CRISP1: variants seen among roughly 807,000 people sequenced by gnomAD.
CRISP1 encodes the protein cysteine-rich secretory protein 1.
CRISP1 carries 44 observed loss-of-function variants against 33.1 expected under a neutral mutation model. That is an observed-to-expected ratio of 1.33 (90% CI 1.05 to 1.71). The LOEUF is 1.71. Ranked by LOEUF, CRISP1 falls within the 40% of genes most tolerant of loss-of-function variation. The probability of loss-of-function intolerance (pLI) is 0.00; values close to 1 mark genes in which losing one functional copy is unlikely to be tolerated. For synonymous variants in CRISP1, 103 were observed against 98.7 expected (o/e 1.04, Z -0.26); for missense variants, 390 against 301.2 (o/e 1.29, Z -2.18).
intron 4 of CRISP1, among the ~76,000 whole-genome samples, chr6:49,847,421 C>A (rs1029372729): frequency 7.2e-5 from 11 of 152,164 alleles, no homozygotes; most frequent in African/African-American, 2.6e-4. Flanking sequence ...TGAGTGAGTT[C>A]TCATGAGATC....
upstream of CRISP1, among the ~76,000 whole-genome samples, chr6:49,868,513 C>A (rs927135686): frequency 2.0e-5 from 3 of 152,152 alleles, no homozygotes; most frequent in Admixed American, 2.0e-4. Context: ...CAATCATTTA[C>A]TCAGAGATTG....
chr6:49,856,288 G>A (rs935715818), intron 2 of CRISP1, among the ~76,000 whole-genome samples: 1 of 152,156 alleles, frequency 6.6e-6, no homozygotes, highest in Non-Finnish European at 1.5e-5. Flanking sequence ...GTTTCTGACT[G>A]TTTGCCCTTT....
At chr6:49,875,591 G>T (rs776397572) in intron 1 of CRISP1, among the ~76,000 whole-genome samples, 4 of 151,974 alleles carry the variant, frequency 2.6e-5, no homozygotes, top group Non-Finnish European at 4.4e-5. Context: ...AAATAGCCAA[G>T]AAAATTCTCA....
intron 1 of CRISP1, among the ~76,000 whole-genome samples, chr6:49,874,917 A>G (rs1174639865): frequency 6.6e-6 from 1 of 152,060 alleles, no homozygotes; most frequent in African/African-American, 2.4e-5. Flanking sequence ...CCTCAAAATA[A>G]TAAGAGCCAT....
intron 6 of CRISP1, among the ~76,000 whole-genome samples, chr6:49,839,874 G>A (rs1200067251): frequency 6.6e-6 from 1 of 152,174 alleles, no homozygotes; most frequent in African/African-American, 2.4e-5. Context: ...ATTACACTCT[G>A]AATCAATAGT....
chr6:49,835,266 A>G lies in CRISP1; in HGVS notation c.*50T>C, dbSNP rs1195140647. Reference sequence around the variant, plus strand: ...ATAGCAAAAGACATGAATCCAACAGACATCTCCTCCTCATCGTCACAGCAT... The same window carrying G: ...ATAGCAAAAGACATGAATCCAACAGGCATCTCCTCCTCATCGTCACAGCAT... On this transcript the variant is annotated 3_prime_UTR_variant, in exon 8 of 8. Coordinates refer to ENST00000335847, the MANE Select transcript of CRISP1 (RefSeq NM_001131.3). The G allele has an allele frequency of 6.3e-7, 1 of 1,586,794 alleles. No individual in the cohort carries two copies. The highest frequency in any genetic ancestry group is 2.3e-5 in the East Asian group (1 of 44,206).
chr6:49,871,588 C>A (rs1771925709), intron 1 of CRISP1, among the ~76,000 whole-genome samples: 2 of 126,370 alleles, frequency 1.6e-5, no homozygotes, highest in South Asian at 5.7e-4. Flanking sequence ...TGTGATGTTC[C>A]CCTTCCTGTG....
Position 49,835,413 on chromosome 6 carries a change from A to G in CRISP1, c.653T>C (p.Phe218Ser). The G allele has an allele frequency of 6.2e-7, 1 of 1,613,804 alleles. No individual in the cohort carries two copies. Among genetic ancestry groups the G allele is most frequent in the Non-Finnish European group, 8.5e-7 (1 of 1,179,738 alleles). ...TNPCIYYDEY[F>S]DCDIQVHYLG... is the part of the protein sequence containing the mutation. ...ATAATGGACTTGTATGTCACAGTCG[A>G]AGTATTCATCATAGTAGATGCAGGG... Residue 218 changes from phenylalanine to serine, a missense_variant, in exon 8 of 8, where the codon TTC becomes TCC. Physicochemically the swap from Phe to Ser is radical, Grantham distance 155 (BLOSUM62 -2). Coordinates refer to ENST00000335847, the MANE Select transcript of CRISP1 (RefSeq NM_001131.3).
Position 49,866,268 on chromosome 6 carries a change from T to C in CRISP1, c.-3+161A>G, listed in dbSNP as rs144686568. 5.8e-4 allele frequency among the ~76,000 whole-genome samples: 89 copies of C among 152,264 alleles called. 1 individual carries two copies. In the East Asian group the frequency reaches 0.014, roughly 24 times the overall value. On this transcript the variant is annotated intron_variant, in intron 1 of 7. Transcript: ENST00000335847. ...GTATATCAGCTTATAAACACCTTTA[T>C]TAAAAGCATGGAGATAACTAACATT...
chr6:49,868,803 C>T (rs1177977193), upstream of CRISP1, among the ~76,000 whole-genome samples: 1 of 152,074 alleles, frequency 6.6e-6, no homozygotes, highest in Non-Finnish European at 1.5e-5. Context: ...GTTGCAAGGG[C>T]TCAATGACTC....
At position 49,849,315 on chromosome 6, in the gene CRISP1, T is replaced by C. The variant is rs955674377; in HGVS notation, c.196-1016A>G. Among the ~76,000 whole-genome samples, 8 of 152,310 alleles carry C rather than the reference T, an allele frequency of 5.3e-5. 1 individual carries two copies. In the East Asian group the frequency reaches 1.5e-3, roughly 29 times the overall value. On this transcript the variant is annotated intron_variant, in intron 3 of 7. Coordinates refer to ENST00000335847, the MANE Select transcript of CRISP1 (RefSeq NM_001131.3). ...GGCCCCGCAGGTGGTAGCAGGGAAC[T>C]GAGGCTTTCCTGATCACCACACCTG... is the stretch of plus-strand genomic sequence containing the variant.
chr6:49,874,724 G>T lies in CRISP1; in HGVS notation c.-3+2285C>A, dbSNP rs145919230. On this transcript the variant is annotated intron_variant, in intron 1 of 7. Transcript: ENST00000505118. Reference sequence around the variant, plus strand: ...TATCCACCACGATCAAGCTGCCTTCGTCTCCAAGATGCAAGTTTGGTCCAA... The same window carrying T: ...TATCCACCACGATCAAGCTGCCTTCTTCTCCAAGATGCAAGTTTGGTCCAA... Among the ~76,000 whole-genome samples the T allele has an allele frequency of 2.0e-5, 3 of 151,946 alleles. No individual in the cohort carries two copies. The South Asian group carries it at 6.2e-4, about 31-fold the overall frequency.
rs1408768143 is a variant in CRISP1, at chr6:49,834,627, T to A, written c.*689A>T. On this transcript the variant is annotated 3_prime_UTR_variant, in exon 8 of 8. Transcript: ENST00000335847. ...TTCTCATATTATGCTATTTTATATA[T>A]CTTTTATACTGCCTTTGCAATGAAA... The A allele has an allele frequency of 1.3e-5, 2 of 152,178 alleles. No individual in the cohort carries two copies. The highest frequency in any genetic ancestry group is 3.9e-4 in the East Asian group (2 of 5,194). The allele number at this position is 152,178 out of a possible 1,614,324, so 9.4% of individuals were successfully genotyped here.
At chr6:49,853,844 A>G (rs1049756228) in intron 2 of CRISP1, among the ~76,000 whole-genome samples, 5 of 152,298 alleles carry the variant, frequency 3.3e-5, no homozygotes, top group Non-Finnish European at 7.4e-5. Context: ...GATGAGACTG[A>G]CAATTCTCCT....
chr6:49,839,724 T>A (rs1770922186), intron 6 of CRISP1, among the ~76,000 whole-genome samples: 1 of 152,170 alleles, frequency 6.6e-6, no homozygotes, highest in Non-Finnish European at 1.5e-5. Flanking sequence ...GTACTTTTCT[T>A]TTTTGGATCA....
chr6:49,839,381 G>T (rs1770911958), intron 6 of CRISP1, among the ~76,000 whole-genome samples: 1 of 151,454 alleles, frequency 6.6e-6, no homozygotes, highest in Non-Finnish European at 1.5e-5. Flanking sequence ...AGCCCAGAAG[G>T]TCAATACTAC....
At chr6:49,867,389 A>G (rs1398995205), upstream of CRISP1, among the ~76,000 whole-genome samples, 2 of 152,076 alleles carry the variant, frequency 1.3e-5, no homozygotes, top group African/African-American at 4.8e-5. Context: ...TCTTTTTAAA[A>G]TTATGAATTA....
At position 49,848,230 on chromosome 6, in the gene CRISP1, G is replaced by T; in HGVS notation, c.265C>A (p.Pro89Thr). ...TTACTTGGAAGTCTCCTCTCAAGGG[G>T]GTTGCTCTCTGTCATATCACAATAC... ...SKYCDMTESN[P>T]LERRLPNTFC... is the part of the protein sequence containing the mutation. Residue 89 changes from proline (P) to threonine (T), a missense_variant, in exon 4 of 8, where the codon CCC becomes ACC. Physicochemically the swap from Pro to Thr is conservative, Grantham distance 38 (BLOSUM62 -1). Transcript: ENST00000335847. 6.2e-7 allele frequency: 1 copy of T among 1,601,230 alleles called. No homozygotes were observed. Among genetic ancestry groups the T allele is most frequent in the East Asian group, 2.3e-5 (1 of 44,358 alleles).
intron 7 of CRISP1, among the ~76,000 whole-genome samples, chr6:49,836,338 TTA>T (rs1770791008): frequency 2.0e-5 from 3 of 147,198 alleles, no homozygotes; most frequent in African/African-American, 7.4e-5. Flanking sequence ...TATTTTTATT[TTA>T]TTTTTTTTTT....
Sources: allele counts gnomAD v4.1 joint callset (sites outside exome capture counted in the v4.1 genomes callset), GRCh38; gene constraint gnomAD v4.1.1; transcripts MANE v1.5; gene names NCBI Gene and HGNC (gene_info 2026-07-23, HGNC 2026-07-21).